Variants in ERBB4 observed in about 807,000 individuals in gnomAD.
ERBB4 encodes the protein erb-b2 receptor tyrosine kinase 4, also known as receptor tyrosine-protein kinase erbB-4.
ERBB4 carries 42 observed loss-of-function variants against 158.0 expected under a neutral mutation model. That is an observed-to-expected ratio of 0.27 (90% confidence interval 0.21 to 0.34). The LOEUF (loss-of-function observed/expected upper bound fraction) is 0.34. ERBB4 is among the 10% of genes least tolerant of loss of function. The pLI is 1.00. For missense variants in ERBB4, 1,333 were observed against 1,624.1 expected (o/e 0.82, Z 3.08); for synonymous variants, 583 against 558.7 (o/e 1.04, Z -0.61).
intron 20 of ERBB4, among the ~76,000 whole-genome samples, chr2:211,496,181 A>G (rs945655921): frequency 3.9e-5 from 6 of 151,930 alleles, no homozygotes; most frequent in Non-Finnish European, 8.8e-5. Flanking sequence ...AATTTTGAGT[A>G]TTTGAACTTT....
At chr2:212,007,968 A>G (rs1665860153) in intron 2 of ERBB4, among the ~76,000 whole-genome samples, 1 of 151,986 alleles carries the variant, frequency 6.6e-6, no homozygotes, top group Non-Finnish European at 1.5e-5. Context: ...GGCCTTACAT[A>G]TATTGGATAG....
intron 1 of ERBB4, among the ~76,000 whole-genome samples, chr2:212,507,718 T>G (rs1560509470): frequency 6.6e-6 from 1 of 152,186 alleles, no homozygotes; most frequent in Non-Finnish European, 1.5e-5. Context: ...GATGAGGAAT[T>G]GCTTCTTATG....
intron 1 of ERBB4, among the ~76,000 whole-genome samples, chr2:212,268,400 C>T (rs1202086600): frequency 6.6e-6 from 1 of 151,764 alleles, no homozygotes; most frequent in Non-Finnish European, 1.5e-5. Flanking sequence ...CATTAATTTT[C>T]GTATGTGCTG....
chr2:211,772,886 C>T lies in ERBB4; in HGVS notation c.556+15139G>A, dbSNP rs191659959. ...ATATATATACACATATATATATATA[C>T]ACACACACACACATATATATATACA... On this transcript the variant is annotated intron_variant, in intron 4 of 27. Coordinates refer to ENST00000342788, the MANE Select transcript of ERBB4 (RefSeq NM_005235.3). 5.5e-4 allele frequency among the ~76,000 whole-genome samples: 39 copies of T among 70,666 alleles called. 1 individual carries two copies. Among genetic ancestry groups the T allele is most frequent in the Non-Finnish European group, 8.4e-4 (32 of 38,238 alleles). The allele number at this position is 70,666 out of a possible 152,430, so 46.4% of individuals were successfully genotyped here.
chr2:212,040,392 C>T (rs1187814270), intron 2 of ERBB4, among the ~76,000 whole-genome samples: 1 of 151,470 alleles, frequency 6.6e-6, no homozygotes, highest in African/African-American at 2.4e-5. Context: ...TTTATTTCAC[C>T]TTATAACACA....
intron 2 of ERBB4, among the ~76,000 whole-genome samples, chr2:212,088,635 C>G (rs2078684921): frequency 6.6e-6 from 1 of 152,036 alleles, no homozygotes; most frequent in Non-Finnish European, 1.5e-5. Flanking sequence ...TGATACAGTT[C>G]TACTTCAAGA....
chr2:211,409,308 ATGC>A (rs1282853518), intron 25 of ERBB4, among the ~76,000 whole-genome samples: 9 of 152,278 alleles, frequency 5.9e-5, no homozygotes, highest in Admixed American at 1.3e-4. Context: ...GGCCATAATA[ATGC>A]TTTTCAGTTA....
In ERBB4 at chr2:211,387,086, G is replaced by A. The variant is rs2125320134; in HGVS notation, c.3248C>T (p.Ala1083Val). The change falls in exon 27 of 28, where the codon GCC (alanine) becomes GTC (valine). Residue 1083 changes from alanine (A) to valine (V), a missense_variant. Transcript: ENST00000342788. ...AEQGVSVPYR[A>V]PTSTIPEAPV... ...AGCTTCTGGAATTGTGCTAGTTGGGGCTCTGTAGGGCACAGACACTCCTTG... is the reference window on the plus strand; with the variant it reads ...AGCTTCTGGAATTGTGCTAGTTGGGACTCTGTAGGGCACAGACACTCCTTG... 1 of 1,613,804 alleles carries A rather than the reference G, an allele frequency of 6.2e-7. No individual in the cohort carries two copies. The highest frequency in any genetic ancestry group is 8.5e-7 in the Non-Finnish European group (1 of 1,179,762).
chr2:211,921,088 A>T (rs2079847281), intron 3 of ERBB4, among the ~76,000 whole-genome samples: 1 of 151,490 alleles, frequency 6.6e-6, no homozygotes, highest in Admixed American at 6.6e-5. Flanking sequence ...GCCAAACTTT[A>T]AAAAAAAATC....
At chr2:212,510,070 A>C (rs979322660) in intron 1 of ERBB4, among the ~76,000 whole-genome samples, 1 of 150,932 alleles carries the variant, frequency 6.6e-6, no homozygotes, top group Admixed American at 6.6e-5. Flanking sequence ...AAATGTATAC[A>C]CTAACATAAA....
chr2:211,896,395 C>G (rs1219237501), intron 3 of ERBB4, among the ~76,000 whole-genome samples: 1 of 152,174 alleles, frequency 6.6e-6, no homozygotes, highest in Non-Finnish European at 1.5e-5. Context: ...CACATTCATA[C>G]TTAGTCCATC....
intron 1 of ERBB4, among the ~76,000 whole-genome samples, chr2:212,532,600 G>C (rs1692815935): frequency 6.6e-6 from 1 of 152,146 alleles, no homozygotes; most frequent in African/African-American, 2.4e-5. Context: ...ACTAATAAAG[G>C]TAAGGCGATT....
chr2:211,992,544 TGAGAGA>T lies in ERBB4; in HGVS notation c.235-44934_235-44929del, dbSNP rs147217982. On this transcript the variant is annotated intron_variant, in intron 2 of 27. Transcript: ENST00000342788. ...AAGAAGAGAGGGAGATGAGAGACAG[TGAGAGA>T]GAGAGAGAGAGAGAGAGAAAAAAAA... 1.4e-4 allele frequency among the ~76,000 whole-genome samples: 16 copies of T among 114,446 alleles called. No homozygotes were observed. In the East Asian group the frequency reaches 3.6e-3, roughly 26 times the overall value. 75.1% of individuals were successfully genotyped at this position (114,446 alleles called of 152,430 possible).
intron 13 of ERBB4, 127 bp from the exon 14 acceptor site, chr2:211,673,384 G>T: frequency 2.8e-6 from 2 of 723,798 alleles, no homozygotes; most frequent in Non-Finnish European, 5.0e-6. Flanking sequence ...TGTGCCAGGA[G>T]CATCAGAAAC....
At chr2:211,415,224 C>T (rs1971121) in intron 25 of ERBB4, among the ~76,000 whole-genome samples, 2 of 145,982 alleles carry the variant, frequency 1.4e-5, no homozygotes, top group Non-Finnish European at 3.0e-5. Context: ...TCACGCCATT[C>T]TCCTGCCTCA....
At chr2:211,856,420 C>T (rs933604613) in intron 3 of ERBB4, among the ~76,000 whole-genome samples, 3 of 142,566 alleles carry the variant, frequency 2.1e-5, no homozygotes, top group African/African-American at 7.9e-5. Flanking sequence ...GAGTCTCGCT[C>T]TGTCGCCCAG....
intron 1 of ERBB4, among the ~76,000 whole-genome samples, chr2:212,192,311 T>C (rs916061643): frequency 4.9e-5 from 6 of 121,614 alleles, no homozygotes; most frequent in Admixed American, 4.2e-4. Flanking sequence ...CTATTCAAAA[T>C]TGAAATAGAA....
intron 1 of ERBB4, among the ~76,000 whole-genome samples, chr2:212,317,723 A>C (rs2087354580): frequency 6.6e-6 from 1 of 151,552 alleles, no homozygotes; most frequent in Non-Finnish European, 1.5e-5. Flanking sequence ...CAAAAAGGAT[A>C]AATGTCATGC....
rs1315584707 is a variant in ERBB4, at chr2:211,381,855, TGG to T, written c.*1758_*1759del. On this transcript the variant is annotated 3_prime_UTR_variant, in exon 28 of 28. Coordinates refer to ENST00000342788, the MANE Select transcript of ERBB4 (RefSeq NM_005235.3). Reference sequence around the variant, plus strand: ...ATATTTTTTAAAAATCTAAATGACTTGGGGTAGAATTTTCAGAAAAGGGCGAC... The same window carrying T: ...ATATTTTTTAAAAATCTAAATGACTTGGTAGAATTTTCAGAAAAGGGCGAC... 1 of 228,434 alleles carries T rather than the reference TGG, an allele frequency of 4.4e-6. No homozygotes were observed. Among genetic ancestry groups the T allele is most frequent in the Non-Finnish European group, 8.7e-6 (1 of 115,102 alleles). The allele number at this position is 228,434 out of a possible 1,614,324, so 14.2% of individuals were successfully genotyped here.
Sources: gnomAD v4.1 joint callset for allele counts (sites outside exome capture counted in the v4.1 genomes callset) on GRCh38, gnomAD v4.1.1 for gene constraint, MANE v1.5 for transcripts, NCBI Gene and HGNC (gene_info 2026-07-23, HGNC 2026-07-21) for gene names.